Variants in OPCML observed in about 807,000 individuals in gnomAD.
OPCML encodes the protein opioid binding protein/cell adhesion molecule like.
OPCML carries 13 observed loss-of-function variants against 37.8 expected under a neutral mutation model. That is an observed-to-expected ratio of 0.34 (90% CI 0.22 to 0.55). The LOEUF is 0.55. Among genes scored for constraint, OPCML ranks in the 20% least tolerant of loss-of-function variants. OPCML has a pLI of 0.91. For missense variants in OPCML, 341 were observed against 435.6 expected, an observed-to-expected ratio of 0.78 and a Z score of 1.93; for synonymous variants, 176 against 168.8, an observed-to-expected ratio of 1.04 and a Z score of -0.33.
chr11:132,681,350 G>A (rs1324230273), intron 2 of OPCML, among the ~76,000 whole-genome samples: 1 of 152,172 alleles, frequency 6.6e-6, no homozygotes, highest in Non-Finnish European at 1.5e-5. Flanking sequence ...GACTTGACTG[G>A]CAGAGAGCAG....
intron 1 of OPCML, among the ~76,000 whole-genome samples, chr11:133,451,246 A>C (rs941171938): frequency 2.0e-5 from 3 of 151,786 alleles, no homozygotes; most frequent in African/African-American, 7.3e-5. Flanking sequence ...ATTAAAGGAG[A>C]GAAAAACCAC....
intron 1 of OPCML, among the ~76,000 whole-genome samples, chr11:132,981,570 G>A (rs534854690): frequency 5.3e-5 from 8 of 152,306 alleles, no homozygotes; most frequent in Admixed American, 2.0e-4. Context: ...ATTAGCAGTT[G>A]ACTATTGGCT....
chr11:133,305,213 G>A (rs1942883453), intron 1 of OPCML, among the ~76,000 whole-genome samples: 1 of 152,204 alleles, frequency 6.6e-6, no homozygotes, highest in African/African-American at 2.4e-5. Flanking sequence ...AGCAGGCACA[G>A]TGACTGTCTT....
At chr11:133,172,503 A>G (rs1346692396) in intron 1 of OPCML, among the ~76,000 whole-genome samples, 1 of 152,114 alleles carries the variant, frequency 6.6e-6, no homozygotes, top group African/African-American at 2.4e-5. Flanking sequence ...GCCCAGAGAG[A>G]GGGAGAATCA....
At chr11:133,065,734 T>G (rs895767386) in intron 1 of OPCML, 6 of 152,316 alleles carry the variant, frequency 3.9e-5, no homozygotes, top group Admixed American at 1.3e-4. Context: ...GGATGGGACT[T>G]GAACACCTGC....
intron 4 of OPCML, among the ~76,000 whole-genome samples, chr11:132,458,246 C>A (rs932924835): frequency 2.6e-5 from 4 of 152,128 alleles, no homozygotes; most frequent in Admixed American, 2.0e-4. Context: ...AAAAGGATAC[C>A]TCAGAACCCC....
intron 1 of OPCML, among the ~76,000 whole-genome samples, chr11:133,058,597 G>A (rs576760069): frequency 7.9e-5 from 12 of 152,204 alleles, no homozygotes; most frequent in African/African-American, 1.4e-4. Context: ...AGCTAGTCCC[G>A]CTCCCATCAG....
At chr11:133,019,434 C>T (rs1218839057) in intron 1 of OPCML, among the ~76,000 whole-genome samples, 1 of 152,154 alleles carries the variant, frequency 6.6e-6, no homozygotes, top group Admixed American at 6.5e-5. Context: ...CCATGTCTCT[C>T]CATGCGGACA....
Position 133,434,788 on chromosome 11 carries a change from T to TTA in OPCML, c.61+97474_61+97475dup, listed in dbSNP as rs1388445894. Among the ~76,000 whole-genome samples, 29 of 119,180 alleles carry TTA rather than the reference T, an allele frequency of 2.4e-4. No homozygotes were observed. The East Asian group carries it at 5.4e-3, about 22-fold the overall frequency. The allele number at this position is 119,180 out of a possible 152,430, so 78.2% of individuals were successfully genotyped here. ...GATGGCTTTGGCCAGAAAAAAAAAATTATATATATGTATATATATATATAT... is the reference window on the plus strand; with the variant it reads ...GATGGCTTTGGCCAGAAAAAAAAAATTATATATATATGTATATATATATATAT... On this transcript the variant is annotated intron_variant, in intron 1 of 7. Transcript: ENST00000524381.
chr11:132,939,568 T>G (rs889446611), intron 2 of OPCML, among the ~76,000 whole-genome samples: 2 of 152,202 alleles, frequency 1.3e-5, no homozygotes, highest in Non-Finnish European at 2.9e-5. Context: ...ACCACCACCT[T>G]GCCTCCATCT....
intron 3 of OPCML, among the ~76,000 whole-genome samples, chr11:132,638,098 A>G (rs1185112293): frequency 6.6e-6 from 1 of 151,282 alleles, no homozygotes; most frequent in Non-Finnish European, 1.5e-5. Flanking sequence ...CTACGTGGAG[A>G]AGCATAGTAT....
chr11:133,235,463 AG>A (rs1940471767), intron 1 of OPCML, among the ~76,000 whole-genome samples: 1 of 152,232 alleles, frequency 6.6e-6, no homozygotes. Flanking sequence ...AAAGAGGAGA[AG>A]GGAAGGGAAG....
At chr11:133,466,066 T>G in intron 1 of OPCML, among the ~76,000 whole-genome samples, 1 of 152,220 alleles carries the variant, frequency 6.6e-6, no homozygotes, top group East Asian at 1.9e-4. Context: ...ATTATATATT[T>G]GGCTGTATGG....
chr11:132,788,115 G>A (rs11223207), intron 2 of OPCML, among the ~76,000 whole-genome samples: 29,982 of 152,104 alleles, frequency 0.2, 3,772 homozygotes, highest in Non-Finnish European at 0.3. Flanking sequence ...TCTTGACCTC[G>A]TGAGTCACCC....
At chr11:133,148,666 G>A (rs1004490078) in intron 1 of OPCML, among the ~76,000 whole-genome samples, 14 of 152,048 alleles carry the variant, frequency 9.2e-5, no homozygotes, top group Admixed American at 8.5e-4. Context: ...TTCAGCGCTC[G>A]CTCCATCCCA....
intron 1 of OPCML, among the ~76,000 whole-genome samples, chr11:133,464,840 G>A (rs577530204): frequency 1.3e-5 from 2 of 152,298 alleles, no homozygotes; most frequent in East Asian, 1.9e-4. Context: ...TTCAGGACCT[G>A]TCATTTGATT....
At chr11:132,940,763 C>T (rs1945549421) in intron 2 of OPCML, among the ~76,000 whole-genome samples, 3 of 151,670 alleles carry the variant, frequency 2.0e-5, no homozygotes, top group African/African-American at 7.3e-5. Flanking sequence ...AAATCAAAAC[C>T]TTAAAAAATC....
At chr11:133,317,664 A>ATC (rs1352889365) in intron 1 of OPCML, among the ~76,000 whole-genome samples, 6 of 152,208 alleles carry the variant, frequency 3.9e-5, no homozygotes, top group Admixed American at 3.9e-4. Context: ...ATGCTGTTGT[A>ATC]TCTCTGCCTA....
At chr11:133,170,350 G>C (rs575696512) in intron 1 of OPCML, among the ~76,000 whole-genome samples, 60 of 152,306 alleles carry the variant, frequency 3.9e-4, no homozygotes, top group African/African-American at 1.4e-3. Flanking sequence ...GCCGGATGTG[G>C]TGGTGGGCGC....
Sources: allele counts gnomAD v4.1 joint callset (sites outside exome capture counted in the v4.1 genomes callset), GRCh38; gene constraint gnomAD v4.1.1; transcripts MANE v1.5; gene names NCBI Gene and HGNC (gene_info 2026-07-23, HGNC 2026-07-21).